CACNA1C: variants seen among roughly 807,000 people sequenced by gnomAD.
The protein encoded by CACNA1C is voltage-dependent L-type calcium channel subunit alpha-1C.
Under a neutral mutation model 229.0 loss-of-function variants are expected in CACNA1C, and 30 were observed. That is an observed-to-expected ratio of 0.13 (90% CI 0.10 to 0.18). The LOEUF (loss-of-function observed/expected upper bound fraction) is 0.18, where lower values mean the gene tolerates loss of function less well. Ranked by LOEUF, CACNA1C falls within the 10% of genes least tolerant of loss-of-function variation. The pLI is 1.00. For synonymous variants in CACNA1C, 1,114 were observed against 1,132.5 expected, an observed-to-expected ratio of 0.98 and a Z score of 0.33; for missense variants, 1,658 against 2,845.0, an observed-to-expected ratio of 0.58 and a Z score of 9.49.
At chr12:2,271,557 A>G (rs1006261585) in intron 3 of CACNA1C, among the ~76,000 whole-genome samples, 1 of 152,152 alleles carries the variant, frequency 6.6e-6, no homozygotes, top group Non-Finnish European at 1.5e-5. Context: ...TAAAATGGGG[A>G]TGAAAATAGT....
intron 3 of CACNA1C, among the ~76,000 whole-genome samples, chr12:2,294,140 A>G (rs1166881932): frequency 1.3e-5 from 2 of 152,214 alleles, no homozygotes; most frequent in African/African-American, 4.8e-5. Flanking sequence ...TCGATTGGTA[A>G]TATATTAATG....
chr12:2,487,790 A>G (rs2099703134), intron 6 of CACNA1C, among the ~76,000 whole-genome samples: 1 of 152,188 alleles, frequency 6.6e-6, no homozygotes, highest in Non-Finnish European at 1.5e-5. Flanking sequence ...GAAACCATAT[A>G]TGAATAATAT....
At chr12:2,107,343 AACCACTGGGC>A (rs2079470392) in intron 1 of CACNA1C, among the ~76,000 whole-genome samples, 6 of 46,102 alleles carry the variant, frequency 1.3e-4, no homozygotes, top group African/African-American at 4.3e-4. Context: ...GGTGTGCTGA[AACCACTGGGC>A]GCCCACCCCG....
chr12:2,014,197 T>A (rs2044922954), intron 1 of CACNA1C, among the ~76,000 whole-genome samples: 1 of 152,162 alleles, frequency 6.6e-6, no homozygotes, highest in South Asian at 2.1e-4. Flanking sequence ...CTGAAACCAC[T>A]GTTTGGTTTT....
At chr12:2,549,847 TG>T in intron 9 of CACNA1C, 95 bp from the exon 10 acceptor site, 1 of 851,134 alleles carries the variant, frequency 1.2e-6, no homozygotes, top group Non-Finnish European at 2.0e-6. Flanking sequence ...CAACCCGCAC[TG>T]GGTCTTGCGG....
chr12:2,652,117 G>A (rs892666312), intron 32 of CACNA1C, among the ~76,000 whole-genome samples: 6 of 152,162 alleles, frequency 3.9e-5, no homozygotes, highest in African/African-American at 1.4e-4. Context: ...TGAAAAACAC[G>A]GGCCTGGACA....
chr12:2,347,017 AT>A (rs954791553), intron 3 of CACNA1C, among the ~76,000 whole-genome samples: 96 of 152,050 alleles, frequency 6.3e-4, no homozygotes, highest in Admixed American at 2.6e-3. Flanking sequence ...CCCCCTTTCA[AT>A]GAGTAGGGTG....
chr12:2,354,870 C>G lies in CACNA1C; in HGVS notation c.478-94106C>G, dbSNP rs118026965. On this transcript the variant is annotated intron_variant, in intron 3 of 46. Coordinates refer to ENST00000399655, the MANE Select transcript of CACNA1C (RefSeq NM_000719.7). The surrounding 1 kb of genome is among the most constrained non-coding windows in gnomAD (Gnocchi z 4.6). ...ACCATTTCAGAGCTGGTCGTTTCCC[C>G]GCAGCTTTAGATTCCATTTTGGTGA... Among the ~76,000 whole-genome samples the G allele has an allele frequency of 0.014, 2,129 of 152,190 alleles. 23 individuals are homozygous for G. The highest frequency in any genetic ancestry group is 0.023 in the Non-Finnish European group (1,551 of 67,998).
At position 2,115,561 on chromosome 12, in the gene CACNA1C, C is replaced by G. The variant is rs377534958; in HGVS notation, c.371+16C>G. On this transcript the variant is annotated intron_variant, in intron 2 of 46. Coordinates refer to ENST00000399655, the MANE Select transcript of CACNA1C (RefSeq NM_000719.7). ...TCGAATGGAAATATCCTTTGTTCACCGGGCTGGGCATGCTCCTGGGACCTG... is the reference window on the plus strand; with the variant it reads ...TCGAATGGAAATATCCTTTGTTCACGGGGCTGGGCATGCTCCTGGGACCTG... The G allele has an allele frequency of 4.3e-6, 7 of 1,611,800 alleles. No individual in the cohort carries two copies. Among genetic ancestry groups the G allele is most frequent in the South Asian group, 2.2e-5 (2 of 91,026 alleles).
chr12:2,252,234 G>T (rs897120240), intron 3 of CACNA1C, among the ~76,000 whole-genome samples: 1 of 152,178 alleles, frequency 6.6e-6, no homozygotes, highest in South Asian at 2.1e-4. Flanking sequence ...ATGGCTGCTT[G>T]GATGAATGTA....
rs2097284469 is a variant in CACNA1C, at chr12:2,354,073, G to A, written c.478-94903G>A. Among the ~76,000 whole-genome samples, 1 of 152,240 alleles carries A rather than the reference G, an allele frequency of 6.6e-6. No individual in the cohort carries two copies. The highest frequency in any genetic ancestry group is 1.5e-5 in the Non-Finnish European group (1 of 68,044). On this transcript the variant is annotated intron_variant, in intron 3 of 46. Coordinates refer to ENST00000399655, the MANE Select transcript of CACNA1C (RefSeq NM_000719.7). This position sits in a 1 kb window ranked among gnomAD's most constrained non-coding sequence, Gnocchi z 4.6. ...CACTGCAGGGTCCCGGGAGCTGGGTGAAAGTGGCAGAGCTGGGAGGTTGCT... is the reference window on the plus strand; with the variant it reads ...CACTGCAGGGTCCCGGGAGCTGGGTAAAAGTGGCAGAGCTGGGAGGTTGCT...
In CACNA1C at chr12:2,425,046, G is replaced by A. The variant is rs533750755; in HGVS notation, c.478-23930G>A. The stretch of plus-strand genomic sequence containing the variant: ...GGTCAGGGACTGAAGCATGGCATGA[G>A]GCAGCCCTGGGGCTAATGCAGGCCC... On this transcript the variant is annotated intron_variant, in intron 3 of 46. Transcript: ENST00000399655. Among the ~76,000 whole-genome samples, 4 of 152,396 alleles carry A rather than the reference G, an allele frequency of 2.6e-5. No homozygotes were observed. In the South Asian group the frequency reaches 8.3e-4, roughly 32 times the overall value.
intron 1 of CACNA1C, among the ~76,000 whole-genome samples, chr12:2,075,835 G>C (rs1219419800): frequency 6.6e-6 from 1 of 152,198 alleles, no homozygotes; most frequent in Non-Finnish European, 1.5e-5. Context: ...GCTTGTTCTT[G>C]GGAGTCTGCC....
At chr12:2,540,708 G>A (rs545157674) in intron 9 of CACNA1C, among the ~76,000 whole-genome samples, 27 of 152,314 alleles carry the variant, frequency 1.8e-4, no homozygotes, top group African/African-American at 6.0e-4. Context: ...AGGGCATGAC[G>A]TAGGGCCCCA....
At chr12:1,999,727 TATAAATAA>T (rs576437697) in intron 1 of CACNA1C, among the ~76,000 whole-genome samples, 1 of 152,088 alleles carries the variant, frequency 6.6e-6, no homozygotes, top group East Asian at 1.9e-4. Flanking sequence ...CCCTGTTTCT[TATAAATAA>T]ATAAATAAAT....
rs1004508108 is a variant in CACNA1C at position 2,113,053 on chromosome 12, G to GA, written c.50-2167dup. ...CACTTAAACATCACAGTGTGTGGGG[G>GA]AAAATCACTTGGAGAAGGGGAGGCT... On this transcript the variant is annotated intron_variant, in intron 1 of 46. Coordinates refer to ENST00000399655, the MANE Select transcript of CACNA1C (RefSeq NM_000719.7). Among the ~76,000 whole-genome samples the GA allele has an allele frequency of 3.3e-5, 5 of 152,150 alleles. 1 individual carries two copies. Among genetic ancestry groups the GA allele is most frequent in the Admixed American group, 6.5e-5 (1 of 15,294 alleles).
chr12:2,677,017 G>GAA lies in CACNA1C; in HGVS notation c.4829-68_4829-67dup. 25 of 1,171,342 alleles carry GAA rather than the reference G, an allele frequency of 2.1e-5. No individual in the cohort carries two copies. The highest frequency in any genetic ancestry group is 3.0e-5 in the South Asian group (2 of 66,280). 72.6% of individuals were successfully genotyped at this position (1,171,342 alleles called of 1,614,324 possible). On this transcript the variant is annotated intron_variant, in intron 39 of 46. Transcript: ENST00000399655. This position sits in a 1 kb window ranked among gnomAD's most constrained non-coding sequence, Gnocchi z 7.4. The stretch of plus-strand genomic sequence containing the variant: ...AAAGTTTTAAAAAGTTTTGGATGCT[G>GAA]AAAAAAAAAATGAATGAAGTTCAAC...
At position 2,054,200 on chromosome 12, in the gene CACNA1C, C is replaced by T. The variant is rs1240878194; in HGVS notation, c.49+589C>T. 6.6e-6 allele frequency among the ~76,000 whole-genome samples: 1 copy of T among 152,020 alleles called. No individual in the cohort carries two copies. The highest frequency in any genetic ancestry group is 1.5e-5 in the Non-Finnish European group (1 of 67,950). ...GGCGGTGCAGATGTGAAGCCCAGCG[C>T]GCCCCTCTGGTTCCCCCTCTGTAGG... On this transcript the variant is annotated intron_variant, in intron 1 of 46. Transcript: ENST00000399655. The surrounding 1 kb of genome is among the most constrained non-coding windows in gnomAD (Gnocchi z 5.5).
At chr12:2,656,515 C>G (rs1239212276) in intron 34 of CACNA1C, among the ~76,000 whole-genome samples, 1 of 152,116 alleles carries the variant, frequency 6.6e-6, no homozygotes, top group Non-Finnish European at 1.5e-5. Context: ...CCAAAGCAAT[C>G]TACAAATTCA....
Sources: allele counts gnomAD v4.1 joint callset (sites outside exome capture counted in the v4.1 genomes callset), GRCh38; gene constraint gnomAD v4.1.1; non-coding constraint Gnocchi (gnomAD v3.1); transcripts MANE v1.5; gene names NCBI Gene and HGNC (gene_info 2026-07-23, HGNC 2026-07-21).